Variants in USP34 observed in about 807,000 individuals in gnomAD.
The protein encoded by USP34 is ubiquitin specific peptidase 34.
Under a neutral mutation model 460.3 loss-of-function variants are expected in USP34, and 70 were observed. That is an observed-to-expected ratio of 0.15 (90% CI 0.13 to 0.19). USP34 has a LOEUF of 0.19. Among genes scored for constraint, USP34 ranks in the 10% least tolerant of loss-of-function variants. The pLI is 1.00. For synonymous variants in USP34, 1,647 were observed against 1,405.3 expected (o/e 1.17, Z -3.85); for missense variants, 3,985 against 4,236.2 (o/e 0.94, Z 1.65).
intron 14 of USP34, 116 bp from the exon 15 acceptor site, chr2:61,348,596 A>C: frequency 6.9e-7 from 1 of 1,449,936 alleles, no homozygotes; most frequent in Non-Finnish European, 9.1e-7. Flanking sequence ...TACTCCTTTG[A>C]ACAATACAAA....
intron 34 of USP34, among the ~76,000 whole-genome samples, chr2:61,287,336 A>G (rs1689720564): frequency 6.6e-6 from 1 of 152,194 alleles, no homozygotes; most frequent in African/African-American, 2.4e-5. Flanking sequence ...TCTCACCTTG[A>G]TCACTCCCTA....
At chr2:61,465,618 G>C (rs932207386) in intron 1 of USP34, among the ~76,000 whole-genome samples, 3 of 152,178 alleles carry the variant, frequency 2.0e-5, no homozygotes, top group African/African-American at 7.2e-5. Context: ...TGAGGCAGGA[G>C]AATGGCTTCA....
chr2:61,440,954 C>T (rs568559964), intron 1 of USP34, among the ~76,000 whole-genome samples: 2 of 151,618 alleles, frequency 1.3e-5, no homozygotes, highest in African/African-American at 2.4e-5. Context: ...GGTGAAACCC[C>T]GTCTCTACTA....
chr2:61,234,272 T>C (rs1479426533), intron 57 of USP34, among the ~76,000 whole-genome samples: 1 of 152,268 alleles, frequency 6.6e-6, no homozygotes, highest in Non-Finnish European at 1.5e-5. Context: ...TCATCTATTA[T>C]ATACCAGACT....
intron 19 of USP34, among the ~76,000 whole-genome samples, chr2:61,333,540 A>G (rs1691332716): frequency 6.6e-6 from 1 of 152,116 alleles, no homozygotes. Context: ...GCCAATTCCT[A>G]GAAATGGGAA....
Position 61,283,427 on chromosome 2 carries a change from G to C in USP34, c.4855C>G (p.His1619Asp). Residue 1619 changes from histidine to aspartate, a missense_variant, in exon 36 of 80, where the codon CAC (histidine) becomes GAC (aspartate). This residue lies in a region of USP34 where 1,114 missense variants were observed against 1,122.5 expected (regional missense o/e 0.99). Transcript: ENST00000398571. ...APRVLKAQSD[H>D]RSRHEVSHYS... ...CCCTTACCTTCATGTCTAGACCTGT[G>C]ATCAGACTGAGCTTTTAAAACTCTG... 6.2e-7 allele frequency: 1 copy of C among 1,606,758 alleles called. No individual in the cohort carries two copies. Among genetic ancestry groups the C allele is most frequent in the South Asian group, 1.1e-5 (1 of 89,602 alleles).
chr2:61,386,762 C>T (rs1281959314), intron 5 of USP34, among the ~76,000 whole-genome samples: 1 of 152,128 alleles, frequency 6.6e-6, no homozygotes, highest in Admixed American at 6.5e-5. Context: ...TGCACTCCAG[C>T]CTGGCAACAG....
chr2:61,236,379 T>C lies in USP34; in HGVS notation c.6788A>G (p.His2263Arg). Residue 2263 changes from histidine (H) to arginine (R), a missense_variant, in exon 54 of 80, where the codon CAT (histidine) becomes CGT (arginine). Physicochemically the swap from His to Arg is conservative, Grantham distance 29. This residue lies in a region of USP34 where 604 missense variants were observed against 684.8 expected (regional missense o/e 0.88). Coordinates refer to ENST00000398571, the MANE Select transcript of USP34 (RefSeq NM_014709.4). ...GTCTTGAAGAAACTGCATGTTATCA[T>C]GCCAAATCCACTGAAAATAAAAATG... ...VSSELLEWIW[H>R]DNMQFLQDKN... 1 of 1,593,844 alleles carries C rather than the reference T, an allele frequency of 6.3e-7. No homozygotes were observed. The highest frequency in any genetic ancestry group is 8.5e-7 in the Non-Finnish European group (1 of 1,172,124).
At chr2:61,384,752 C>T (rs563442835) in intron 5 of USP34, among the ~76,000 whole-genome samples, 25 of 152,022 alleles carry the variant, frequency 1.6e-4, no homozygotes, top group Admixed American at 9.2e-4. Context: ...AAATAAAAGA[C>T]GTCTATAAAA....
chr2:61,373,323 T>C (rs1247990883), intron 8 of USP34, among the ~76,000 whole-genome samples: 1 of 150,760 alleles, frequency 6.6e-6, no homozygotes, highest in African/African-American at 2.4e-5. Context: ...TATAAAATTA[T>C]TAGTGAATTA....
chr2:61,413,524 T>TG (rs1694105854), intron 2 of USP34, among the ~76,000 whole-genome samples: 1 of 132,226 alleles, frequency 7.6e-6, no homozygotes, highest in Non-Finnish European at 1.6e-5. Flanking sequence ...CTGGGCAACA[T>TG]GGGGAAACCC....
intron 1 of USP34, among the ~76,000 whole-genome samples, chr2:61,425,011 G>A (rs545461910): frequency 6.6e-6 from 1 of 152,064 alleles, no homozygotes; most frequent in Non-Finnish European, 1.5e-5. Context: ...GTAGAGACAG[G>A]GTTTCACCAC....
intron 27 of USP34, among the ~76,000 whole-genome samples, chr2:61,307,331 G>GGGAGGGA (rs1460940610): frequency 1.6e-5 from 2 of 127,692 alleles, no homozygotes; most frequent in African/African-American, 5.7e-5. Flanking sequence ...GGGGGGAGGG[G>GGGAGGGA]GGAGGGATAG....
At chr2:61,419,066 T>C (rs1313454281) in intron 2 of USP34, among the ~76,000 whole-genome samples, 1 of 152,238 alleles carries the variant, frequency 6.6e-6, no homozygotes, top group Non-Finnish European at 1.5e-5. Flanking sequence ...GTAGCTTTAT[T>C]ATTATTCTAT....
At chr2:61,216,472 C>T (rs992240442) in intron 67 of USP34, among the ~76,000 whole-genome samples, 5 of 151,708 alleles carry the variant, frequency 3.3e-5, no homozygotes, top group East Asian at 1.9e-4. Flanking sequence ...TGGTGGTGAG[C>T]GCCTGTAGTC....
intron 43 of USP34, among the ~76,000 whole-genome samples, chr2:61,262,363 C>A (rs1688915341): frequency 6.6e-6 from 1 of 152,062 alleles, no homozygotes; most frequent in South Asian, 2.1e-4. Context: ...AGGTAGGACA[C>A]AACGTCCATT....
chr2:61,418,198 G>C (rs1465844655), intron 2 of USP34, among the ~76,000 whole-genome samples: 1 of 151,500 alleles, frequency 6.6e-6, no homozygotes, highest in Admixed American at 6.6e-5. Context: ...TGATGCCTCA[G>C]CCTCCCGAGT....
chr2:61,311,400 C>T, intron 27 of USP34, 140 bp downstream of exon 27: 2 of 921,238 alleles, frequency 2.2e-6, no homozygotes, highest in Non-Finnish European at 3.0e-6. Context: ...ACAAGACAAA[C>T]CAAGACAGTT....
At chr2:61,304,852 G>T (rs1690351375) in intron 27 of USP34, among the ~76,000 whole-genome samples, 1 of 151,986 alleles carries the variant, frequency 6.6e-6, no homozygotes, top group South Asian at 2.1e-4. Context: ...CTTTTGAGAA[G>T]ATCTTTTTAA....
Sources: gnomAD v4.1 joint callset for allele counts (sites outside exome capture counted in the v4.1 genomes callset) on GRCh38, gnomAD v4.1.1 for gene constraint, gnomAD v4.1.1 regional missense constraint, MANE v1.5 for transcripts, NCBI Gene and HGNC (gene_info 2026-07-23, HGNC 2026-07-21) for gene names.